Variants in STRADA observed in about 807,000 individuals in gnomAD.
STRADA encodes the protein STE20 related adaptor alpha.
A neutral mutation model predicts 55.0 loss-of-function variants in STRADA; 26 were observed. The observed-to-expected ratio is 0.47, with a 90% CI of 0.35 to 0.66. The LOEUF is 0.66. Ranked by LOEUF, STRADA falls within the 30% of genes least tolerant of loss-of-function variation. The pLI is 0.01. For missense variants in STRADA, 443 were observed against 549.7 expected, an observed-to-expected ratio of 0.81 and a Z score of 1.94; for synonymous variants, 197 against 210.9, an observed-to-expected ratio of 0.93 and a Z score of 0.57.
At chr17:63,719,574 C>G (rs2037147319) in intron 4 of STRADA, among the ~76,000 whole-genome samples, 1 of 151,950 alleles carries the variant, frequency 6.6e-6, no homozygotes, top group Non-Finnish European at 1.5e-5. Context: ...ACCTCCACCT[C>G]CCAGGTTCAA....
chr17:63,734,720 T>C (rs1410111820), intron 1 of STRADA, among the ~76,000 whole-genome samples: 1 of 152,194 alleles, frequency 6.6e-6, no homozygotes, highest in African/African-American at 2.4e-5. Flanking sequence ...CAAATTAATC[T>C]TTCCCTAACA....
chr17:63,723,564 C>G, intron 3 of STRADA: 1 of 542,802 alleles, frequency 1.8e-6, no homozygotes, highest in Non-Finnish European at 3.3e-6. Flanking sequence ...GGCAAGGCTA[C>G]TACTCTATGG....
At position 63,714,126 on chromosome 17, in the gene STRADA, A is replaced by C. The variant is rs2036694450; in HGVS notation, c.124-18T>G. ...TCATTGGTCTAAAAAAGAAAAAGAA[A>C]AATAGGTTAGTAGAGAAAACTGGGG... is the stretch of plus-strand genomic sequence containing the variant. On this transcript the variant is annotated intron_variant, in intron 4 of 12. Coordinates refer to ENST00000336174, the MANE Select transcript of STRADA (RefSeq NM_001003787.4). 6.2e-7 allele frequency: 1 copy of C among 1,608,024 alleles called. No homozygotes were observed. The highest frequency in any genetic ancestry group is 1.3e-5 in the African/African-American group (1 of 74,780).
rs529698916 is a variant in STRADA, at chr17:63,708,323, C to T, written c.582-905G>A. On this transcript the variant is annotated intron_variant, in intron 8 of 12. Coordinates refer to ENST00000336174, the MANE Select transcript of STRADA (RefSeq NM_001003787.4). ...CAAGCAATTCTCCTGCCTCAGTCTCCTGAGCAGCTGGGACTACAGGCTCAT... is the reference window on the plus strand; with the variant it reads ...CAAGCAATTCTCCTGCCTCAGTCTCTTGAGCAGCTGGGACTACAGGCTCAT... Among the ~76,000 whole-genome samples the T allele has an allele frequency of 2.0e-5, 3 of 152,114 alleles. No individual in the cohort carries two copies. The South Asian group carries it at 6.2e-4, about 32-fold the overall frequency.
At chr17:63,720,824 T>G (rs1490564983) in intron 4 of STRADA, among the ~76,000 whole-genome samples, 2 of 147,094 alleles carry the variant, frequency 1.4e-5, no homozygotes, top group Non-Finnish European at 3.0e-5. Context: ...TGGCCAGGCA[T>G]GGTGGCTCAC....
At position 63,704,294 on chromosome 17, in the gene STRADA, A is replaced by G. The variant is rs1172981607; in HGVS notation, c.1100+47T>C. ...TTCACACCCTGGCCTTACCCTCCTG[A>G]GCACCCTCTGCTCTCCCGAAGCCCA... On this transcript the variant is annotated intron_variant, in intron 11 of 12. Coordinates refer to ENST00000336174, the MANE Select transcript of STRADA (RefSeq NM_001003787.4). 5 of 1,605,448 alleles carry G rather than the reference A, an allele frequency of 3.1e-6. No homozygotes were observed. The Admixed American group carries it at 8.5e-5, about 27-fold the overall frequency.
chr17:63,724,890 A>G (rs1396148316), intron 3 of STRADA, among the ~76,000 whole-genome samples: 3 of 152,178 alleles, frequency 2.0e-5, no homozygotes, highest in Admixed American at 2.0e-4. Context: ...TCTAAAACAT[A>G]ATACTTTGAC....
At chr17:63,718,385 A>G (rs2037049837) in intron 4 of STRADA, among the ~76,000 whole-genome samples, 1 of 152,242 alleles carries the variant, frequency 6.6e-6, no homozygotes, top group South Asian at 2.1e-4. Flanking sequence ...GAGTTCTGAA[A>G]TGACAACTCT....
chr17:63,721,297 G>C (rs1261936537), intron 4 of STRADA, among the ~76,000 whole-genome samples: 2 of 147,258 alleles, frequency 1.4e-5, no homozygotes, highest in African/African-American at 5.0e-5. Flanking sequence ...GCTTGAACCC[G>C]AGAGGTGGAG....
chr17:63,740,459 C>G (rs188713357), intron 1 of STRADA, among the ~76,000 whole-genome samples: 3 of 151,934 alleles, frequency 2.0e-5, no homozygotes, highest in Admixed American at 1.3e-4. Flanking sequence ...TTGCAGTGAG[C>G]GGAGATCGCG....
At position 63,703,526 on chromosome 17, in the gene STRADA, G is replaced by T; in HGVS notation, c.*73C>A. The T allele has an allele frequency of 2.1e-6, 3 of 1,422,162 alleles. No individual in the cohort carries two copies. Among genetic ancestry groups the T allele is most frequent in the Non-Finnish European group, 2.9e-6 (3 of 1,041,544 alleles). The allele number at this position is 1,422,162 out of a possible 1,614,324, so 88.1% of individuals were successfully genotyped here. A position where few individuals can be genotyped will look rare whatever the true frequency, so the allele number is the denominator to read the frequency against. On this transcript the variant is annotated 3_prime_UTR_variant, in exon 13 of 13. Transcript: ENST00000336174. ...AATCTGCCCAGGAGGGCGGGAATGT[G>T]GCCGGCCCTCAGGAAGGGCCTCTGG... is the stretch of plus-strand genomic sequence containing the variant.
chr17:63,734,092 A>C (rs1331901752), intron 1 of STRADA, among the ~76,000 whole-genome samples: 1 of 152,214 alleles, frequency 6.6e-6, no homozygotes, highest in African/African-American at 2.4e-5. Flanking sequence ...CAATACAGGG[A>C]TACCTGAAGG....
chr17:63,723,270 T>C lies in STRADA; in HGVS notation c.123+28A>G, dbSNP rs779798541. 13 of 1,613,602 alleles carry C rather than the reference T, an allele frequency of 8.1e-6. No individual in the cohort carries two copies. In the Middle Eastern group the frequency reaches 8.2e-4, roughly 102 times the overall value. The stretch of plus-strand genomic sequence containing the variant: ...AGAAGTCATCTCCATGCAACAGCCA[T>C]AGTGCTAGGGCCTAGGAAGCCACTT... On this transcript the variant is annotated intron_variant, in intron 4 of 12. Coordinates refer to ENST00000336174, the MANE Select transcript of STRADA (RefSeq NM_001003787.4).
chr17:63,705,197 G>C (rs370509531), intron 10 of STRADA: 11 of 540,734 alleles, frequency 2.0e-5, no homozygotes, highest in African/African-American at 1.7e-4. Flanking sequence ...AATTGCTCTA[G>C]AGCTGCACTA....
chr17:63,704,626 G>A (rs748650394), intron 10 of STRADA, 44 bp from the exon 11 acceptor site: 10 of 992,002 alleles, frequency 1.0e-5, no homozygotes, highest in African/African-American at 5.0e-5. Context: ...CGGGTGGGGG[G>A]GGGGGGTGGT....
In STRADA at chr17:63,707,359, A is replaced by G. The variant is rs1725504973; in HGVS notation, c.641T>C (p.Leu214Ser). 1.9e-6 allele frequency: 3 copies of G among 1,614,014 alleles called. No homozygotes were observed. In the South Asian group the frequency reaches 3.3e-5, roughly 18 times the overall value. Residue 214 changes from leucine to serine, a missense_variant, in exon 9 of 13, where the codon TTG (leucine) becomes TCG (serine). By Grantham distance (145) the Leu-to-Ser change is moderately radical. Transcript: ENST00000336174. The part of the protein sequence containing the change: ...SVDGKVYLSG[L>S]RSNLSMISHG... ...GCTTATCATGCTGAGGTTGCTGCGCAAACCAGACAGGTAGACCTTCCCATC... is the reference window on the plus strand; with the variant it reads ...GCTTATCATGCTGAGGTTGCTGCGCGAACCAGACAGGTAGACCTTCCCATC...
intron 8 of STRADA, among the ~76,000 whole-genome samples, chr17:63,709,101 G>A (rs1167604858): frequency 3.3e-5 from 5 of 152,168 alleles, no homozygotes; most frequent in Admixed American, 1.3e-4. Flanking sequence ...ACCAACACAC[G>A]TGTGAATGGT....
chr17:63,709,801 A>C (rs9906225), intron 8 of STRADA, among the ~76,000 whole-genome samples: 5,204 of 152,196 alleles, frequency 0.034, 321 homozygotes, highest in African/African-American at 0.12. Flanking sequence ...ATTTCCTGAC[A>C]CTATCTACTA....
intron 8 of STRADA, among the ~76,000 whole-genome samples, chr17:63,708,919 T>C (rs775120670): frequency 6.6e-6 from 1 of 152,266 alleles, no homozygotes; most frequent in Non-Finnish European, 1.5e-5. Context: ...AGGGGTACTG[T>C]GTTCCGCATC....
Sources: gnomAD v4.1 joint callset for allele counts (sites outside exome capture counted in the v4.1 genomes callset) on GRCh38, gnomAD v4.1.1 for gene constraint, MANE v1.5 for transcripts, NCBI Gene and HGNC (gene_info 2026-07-23, HGNC 2026-07-21) for gene names.